The following TMEM248 variants were observed in gnomAD, a reference collection of about 807,000 sequenced individuals.
TMEM248 encodes UPF0458 protein C7orf42.
TMEM248 carries 9 observed loss-of-function variants against 30.3 expected under a neutral mutation model. That is an observed-to-expected ratio of 0.30 (90% CI 0.18 to 0.52). TMEM248 has a LOEUF of 0.52. Ranked by LOEUF, TMEM248 falls within the 20% of genes least tolerant of loss-of-function variation. The pLI is 0.97. For missense variants in TMEM248, 338 were observed against 403.3 expected, an observed-to-expected ratio of 0.84 and a Z score of 1.39; for synonymous variants, 184 against 154.4, an observed-to-expected ratio of 1.19 and a Z score of -1.42.
chr7:66,925,299 G>T (rs1265178889), intron 1 of TMEM248, among the ~76,000 whole-genome samples: 1 of 152,158 alleles, frequency 6.6e-6, no homozygotes, highest in African/African-American at 2.4e-5. Context: ...AGCATTAAAG[G>T]TGTGAGCCAC....
At chr7:66,951,255 C>T in intron 5 of TMEM248, 120 bp downstream of exon 5, 1 of 930,662 alleles carries the variant, frequency 1.1e-6, no homozygotes, top group Non-Finnish European at 1.5e-6. Context: ...TCCTCTGCCA[C>T]TTTAGATTTC....
rs145723533 is a variant in TMEM248, at chr7:66,944,293, C to T, written c.160-683C>T. ...CTAATTATTGTATTTTTAGTAGAGA[C>T]GTGGTTTCACCATGTTGCTCAGGCT... On this transcript the variant is annotated intron_variant, in intron 2 of 6. Coordinates refer to ENST00000341567, the MANE Select transcript of TMEM248 (RefSeq NM_017994.5). Among the ~76,000 whole-genome samples, 100 of 151,826 alleles carry T rather than the reference C, an allele frequency of 6.6e-4. 1 individual carries two copies. The East Asian group carries it at 0.015, about 23-fold the overall frequency.
chr7:66,928,133 C>T (rs1396490344), intron 1 of TMEM248, among the ~76,000 whole-genome samples: 1 of 151,940 alleles, frequency 6.6e-6, no homozygotes, highest in Non-Finnish European at 1.5e-5. Flanking sequence ...GAGAATCACT[C>T]GAACCCAGGA....
intron 2 of TMEM248, among the ~76,000 whole-genome samples, chr7:66,942,507 G>C (rs1791990234): frequency 6.6e-6 from 1 of 152,012 alleles, no homozygotes; most frequent in Admixed American, 6.6e-5. Flanking sequence ...TTTGTTTTTT[G>C]TTTTTTGAGA....
intron 4 of TMEM248, among the ~76,000 whole-genome samples, chr7:66,950,086 C>T (rs987918619): frequency 7.1e-4 from 108 of 151,818 alleles, no homozygotes; most frequent in Non-Finnish European, 7.5e-4. Flanking sequence ...TTGGGCTGGG[C>T]GCAATGGCTC....
intron 1 of TMEM248, among the ~76,000 whole-genome samples, chr7:66,937,711 C>CT (rs2129222913): frequency 6.6e-6 from 1 of 152,152 alleles, no homozygotes; most frequent in African/African-American, 2.4e-5. Context: ...TTTTCCATTT[C>CT]TTTATTTTCT....
chr7:66,927,152 T>G (rs1252678249), intron 1 of TMEM248, among the ~76,000 whole-genome samples: 1 of 152,192 alleles, frequency 6.6e-6, no homozygotes, highest in African/African-American at 2.4e-5. Flanking sequence ...CAAAGATAAA[T>G]TATTTTCCAT....
chr7:66,922,873 T>G (rs1327493406), intron 1 of TMEM248, among the ~76,000 whole-genome samples: 1 of 151,844 alleles, frequency 6.6e-6, no homozygotes, highest in Non-Finnish European at 1.5e-5. Context: ...GCCCAGCTAA[T>G]TTTTGTATTT....
chr7:66,955,663 T>G lies in TMEM248; in HGVS notation c.*141T>G. On this transcript the variant is annotated 3_prime_UTR_variant, in exon 7 of 7. Coordinates refer to ENST00000341567, the MANE Select transcript of TMEM248 (RefSeq NM_017994.5). ...CAGCCAAAGACATTTCAAGTGCCTG[T>G]AACTGATTTGTACATATTTATAAAA... 1 of 1,016,842 alleles carries G rather than the reference T, an allele frequency of 9.8e-7. No individual in the cohort carries two copies. Among genetic ancestry groups the G allele is most frequent in the African/African-American group, 1.6e-5 (1 of 61,892 alleles). 63.0% of individuals were successfully genotyped at this position (1,016,842 alleles called of 1,614,324 possible).
chr7:66,942,376 C>T (rs964813191), intron 2 of TMEM248, among the ~76,000 whole-genome samples: 1 of 152,190 alleles, frequency 6.6e-6, no homozygotes, highest in Non-Finnish European at 1.5e-5. Flanking sequence ...GAAAACTGAA[C>T]ATTTGGTATT....
intron 1 of TMEM248, among the ~76,000 whole-genome samples, chr7:66,935,621 C>T (rs1791780684): frequency 6.6e-6 from 1 of 152,252 alleles, no homozygotes; most frequent in Non-Finnish European, 1.5e-5. Flanking sequence ...TGGCTCACTA[C>T]AACCTCTGCT....
chr7:66,946,421 T>G (rs1263096942), intron 3 of TMEM248, among the ~76,000 whole-genome samples: 1 of 149,750 alleles, frequency 6.7e-6, no homozygotes, highest in Non-Finnish European at 1.5e-5. Flanking sequence ...CTACTAAAAA[T>G]GCAAAAAAAT....
At chr7:66,936,754 G>A (rs1351169240) in intron 1 of TMEM248, among the ~76,000 whole-genome samples, 1 of 152,086 alleles carries the variant, frequency 6.6e-6, no homozygotes, top group African/African-American at 2.4e-5. Flanking sequence ...AGTTGCTCGT[G>A]GTAGCCTGTA....
chr7:66,949,175 A>C lies in TMEM248; in HGVS notation c.596+481A>C, dbSNP rs1792195719. 2.0e-5 allele frequency among the ~76,000 whole-genome samples: 3 copies of C among 151,256 alleles called. No individual in the cohort carries two copies. The South Asian group carries it at 6.2e-4, about 31-fold the overall frequency. On this transcript the variant is annotated intron_variant, in intron 4 of 6. Coordinates refer to ENST00000341567, the MANE Select transcript of TMEM248 (RefSeq NM_017994.5). ...AAAAAAAGAAAGAAAAAGAAAAAAG[A>C]AAAGAGGCTCTCTAAAGATAAAGGT...
At chr7:66,923,685 T>C (rs796958832) in intron 1 of TMEM248, among the ~76,000 whole-genome samples, 22 of 152,188 alleles carry the variant, frequency 1.4e-4, no homozygotes, top group African/African-American at 5.3e-4. Flanking sequence ...GGTTTTTTTG[T>C]TTTTGTTTTC....
chr7:66,928,509 A>G (rs1791580688), intron 1 of TMEM248, among the ~76,000 whole-genome samples: 1 of 152,196 alleles, frequency 6.6e-6, no homozygotes, highest in African/African-American at 2.4e-5. Flanking sequence ...TCTCATCTGT[A>G]AAGTGGGAAT....
intron 1 of TMEM248, among the ~76,000 whole-genome samples, chr7:66,925,712 G>A (rs1791505783): frequency 9.2e-6 from 1 of 109,082 alleles, no homozygotes; most frequent in African/African-American, 3.2e-5. Flanking sequence ...TTTTTTTGGA[G>A]ACAGAGTCTC....
At chr7:66,946,274 G>A (rs1792105136) in intron 3 of TMEM248, among the ~76,000 whole-genome samples, 1 of 151,344 alleles carries the variant, frequency 6.6e-6, no homozygotes, top group Non-Finnish European at 1.5e-5. Flanking sequence ...AAAAAGAAAA[G>A]AAAAGACAAT....
At chr7:66,951,287 C>T (rs753944990) in intron 5 of TMEM248, 152 bp downstream of exon 5, 5 of 631,148 alleles carry the variant, frequency 7.9e-6, no homozygotes, top group East Asian at 3.4e-5. Flanking sequence ...GGACACTAGG[C>T]GGAGTGGTGG....
Sources: allele counts gnomAD v4.1 joint callset (sites outside exome capture counted in the v4.1 genomes callset), GRCh38; gene constraint gnomAD v4.1.1; transcripts MANE v1.5; gene names NCBI Gene and HGNC (gene_info 2026-07-23, HGNC 2026-07-21).